RIF1: variants seen among roughly 807,000 people sequenced by gnomAD.
RIF1 encodes the protein telomere-associated protein RIF1.
RIF1 carries 45 observed loss-of-function variants against 247.1 expected under a neutral mutation model. The ratio of observed to expected loss-of-function variants is 0.18; its 90% CI spans 0.14 to 0.23. The LOEUF (loss-of-function observed/expected upper bound fraction) is 0.23, where lower values mean the gene tolerates loss of function less well. RIF1 is among the 10% of genes least tolerant of loss of function. The pLI, the probability that RIF1 is intolerant of heterozygous loss-of-function variation, is 1.00. For missense variants in RIF1, 2,967 were observed against 2,862.5 expected, an observed-to-expected ratio of 1.04 and a Z score of -0.83; for synonymous variants, 1,087 against 978.8, an observed-to-expected ratio of 1.11 and a Z score of -2.06.
chr2:151,443,209 A>G, intron 16 of RIF1, 50 bp from the exon 17 acceptor site: 1 of 1,148,194 alleles, frequency 8.7e-7, no homozygotes, highest in Admixed American at 2.2e-5. Context: ...ATAAAAAACA[A>G]ATGTTCTATT....
chr2:151,514,892 C>G, the RIF1 span: 1 of 1,582,840 alleles, frequency 6.3e-7, no homozygotes, highest in South Asian at 1.2e-5. Context: ...AGGTTTCTGC[C>G]TTTAATGGAC....
rs1318641866 is a variant in RIF1, at chr2:151,446,419, T to C, written c.2095-7T>C. 2 of 1,613,390 alleles carry C rather than the reference T, an allele frequency of 1.2e-6. No individual in the cohort carries two copies. The highest frequency in any genetic ancestry group is 1.1e-5 in the South Asian group (1 of 90,906). On this transcript the variant is annotated splice_region_variant and splice_polypyrimidine_tract_variant and intron_variant, in intron 19 of 35. Coordinates refer to ENST00000444746, the MANE Select transcript of RIF1 (RefSeq NM_018151.5). ...AACAAAACTTCTTTTTTTGTTGTTA[T>C]TGGTAGGCCACCATGAAGACTTTGC...
At chr2:151,497,355 A>T (rs2060913891) in intron 10 of RIF1, 1 of 982,922 alleles carries the variant, frequency 1.0e-6, no homozygotes, top group Non-Finnish European at 1.2e-6. Context: ...GTTAGAACTC[A>T]GTGGTGTTAT....
At chr2:151,492,591 C>A in intron 9 of RIF1, 1 of 857,342 alleles carries the variant, frequency 1.2e-6, no homozygotes, top group South Asian at 2.1e-5. Context: ...TGGTGAGGGA[C>A]GCTTGGGTCA....
At chr2:151,446,375 T>G (rs2152410570) in intron 19 of RIF1, 51 bp from the exon 20 acceptor site, 2 of 1,486,196 alleles carry the variant, frequency 1.3e-6, no homozygotes, top group Non-Finnish European at 9.3e-7. Context: ...CTATAAACTT[T>G]GATAGATAGG....
intron 22 of RIF1, among the ~76,000 whole-genome samples, chr2:151,455,492 G>A (rs912069818): frequency 2.0e-5 from 3 of 152,172 alleles, no homozygotes; most frequent in African/African-American, 7.2e-5. Flanking sequence ...TATATGGTAT[G>A]CACTTAATAC....
chr2:151,485,943 G>A (rs752707527), downstream of RIF1: 10 of 1,612,852 alleles, frequency 6.2e-6, no homozygotes, highest in Non-Finnish European at 7.6e-6. Context: ...TCTATTCGTG[G>A]GGATGGAAAA....
At chr2:151,457,442 T>C (rs1344899777) in intron 23 of RIF1, among the ~76,000 whole-genome samples, 2 of 152,188 alleles carry the variant, frequency 1.3e-5, no homozygotes, top group Non-Finnish European at 2.9e-5. Context: ...AACTCTTAGC[T>C]CATCCCTTTG....
At chr2:151,413,220 C>T (rs915041632) in intron 3 of RIF1, among the ~76,000 whole-genome samples, 1 of 151,366 alleles carries the variant, frequency 6.6e-6, no homozygotes, top group Admixed American at 6.6e-5. Flanking sequence ...TTAGTAGAGA[C>T]GGGGGTTTCT....
At chr2:151,432,821 G>A (rs964767658) in intron 9 of RIF1, among the ~76,000 whole-genome samples, 2 of 151,972 alleles carry the variant, frequency 1.3e-5, no homozygotes, top group Admixed American at 6.6e-5. Context: ...AAATTGCCCC[G>A]GCACACAATA....
At position 151,431,198 on chromosome 2, in the gene RIF1, A is replaced by G. The variant is rs1690063223; in HGVS notation, c.926-1879A>G. On this transcript the variant is annotated intron_variant, in intron 9 of 35. Coordinates refer to ENST00000444746, the MANE Select transcript of RIF1 (RefSeq NM_018151.5). ...CAAGGAATCAGATGACTGTATTTTT[A>G]CTCTGCCATCTTTGATTTGTCTTAA... Among the ~76,000 whole-genome samples, 3 of 152,268 alleles carry G rather than the reference A, an allele frequency of 2.0e-5. No homozygotes were observed. The South Asian group carries it at 6.2e-4, about 32-fold the overall frequency.
chr2:151,534,266 G>A, the RIF1 span: 6 of 1,613,676 alleles, frequency 3.7e-6, no homozygotes, highest in African/African-American at 1.3e-5. Context: ...TAGGCTCATC[G>A]ACTACCAGGT....
chr2:151,456,896 C>A (rs1171679954), intron 23 of RIF1, among the ~76,000 whole-genome samples: 1 of 151,992 alleles, frequency 6.6e-6, no homozygotes, highest in Non-Finnish European at 1.5e-5. Flanking sequence ...CCACACCCAG[C>A]TGATTTTTTG....
chr2:151,485,936 A>G (rs1222497271), downstream of RIF1: 7 of 1,613,522 alleles, frequency 4.3e-6, no homozygotes, highest in Admixed American at 1.7e-5. Flanking sequence ...AAGATTTTCT[A>G]TTCGTGGGGA....
chr2:151,491,634 C>T (rs1475394717), intron 9 of RIF1: 2 of 1,395,940 alleles, frequency 1.4e-6, no homozygotes, highest in Admixed American at 3.9e-5. Flanking sequence ...TTGACTCTAG[C>T]ATACTAAATG....
In RIF1 at chr2:151,464,999, C is replaced by G. The variant is rs1696692032; in HGVS notation, c.5479C>G (p.Leu1827Val). ...AAAAGAAAACACTATGCAAGAATCT[C>G]TTCCTTCTGGAATAGTAAACTTTAG... ...KSKENTMQES[L>V]PSGIVNFREE... Residue 1827 changes from leucine (L) to valine (V), a missense_variant, in exon 30 of 36, where the codon CTT becomes GTT. This residue lies in a region of RIF1 where 2,028 missense variants were observed against 1,825.6 expected (regional missense o/e 1.11). Transcript: ENST00000444746. 1 of 1,577,244 alleles carries G rather than the reference C, an allele frequency of 6.3e-7. No homozygotes were observed. Among genetic ancestry groups the G allele is most frequent in the Non-Finnish European group, 8.6e-7 (1 of 1,169,476 alleles).
intron 34 of RIF1, among the ~76,000 whole-genome samples, chr2:151,471,069 T>C (rs779920046): frequency 1.5e-4 from 23 of 152,062 alleles, no homozygotes; most frequent in Non-Finnish European, 2.4e-4. Context: ...CCATTAGCTA[T>C]CACTCCTCAT....
At chr2:151,471,329 C>G (rs1461460810) in intron 34 of RIF1, among the ~76,000 whole-genome samples, 1 of 152,190 alleles carries the variant, frequency 6.6e-6, no homozygotes, top group African/African-American at 2.4e-5. Context: ...TGCCTGTTCA[C>G]TCTGATGGTA....
exon 13 of RIF1, chr2:151,506,355 GAC>G (rs2068841125): frequency 2.3e-6 from 2 of 880,596 alleles, no homozygotes; most frequent in Non-Finnish European, 3.6e-6. Context: ...GTGAAAACAA[GAC>G]ACTAGACGAT....
Sources: allele counts gnomAD v4.1 joint callset (sites outside exome capture counted in the v4.1 genomes callset), GRCh38; gene constraint gnomAD v4.1.1; regional missense constraint gnomAD v4.1.1; transcripts MANE v1.5; gene names NCBI Gene and HGNC (gene_info 2026-07-23, HGNC 2026-07-21).